AP1S3: variants seen among roughly 807,000 people sequenced by gnomAD.
AP1S3 encodes adaptor related protein complex 1 subunit sigma 3, also known as AP-1 complex subunit sigma-3.
AP1S3 carries 10 observed loss-of-function variants against 20.9 expected under a neutral mutation model. That is an observed-to-expected ratio of 0.48 (90% CI 0.29 to 0.81). The LOEUF (loss-of-function observed/expected upper bound fraction) is 0.81, where lower values mean the gene tolerates loss of function less well. Ranked by LOEUF, AP1S3 falls within the 30% of genes least tolerant of loss-of-function variation. The pLI, the probability that AP1S3 is intolerant of heterozygous loss-of-function variation, is 0.08. For missense variants in AP1S3, 154 were observed against 183.8 expected (o/e 0.84, Z 0.94); for synonymous variants, 41 against 61.5 (o/e 0.67, Z 1.56).
At chr2:223,819,324 A>G (rs889197119) in intron 1 of AP1S3, among the ~76,000 whole-genome samples, 1 of 152,208 alleles carries the variant, frequency 6.6e-6, no homozygotes, top group African/African-American at 2.4e-5. Context: ...TTGAGGGAGA[A>G]TGCAACAGAT....
At chr2:223,816,014 G>C (rs1229939646) in intron 1 of AP1S3, among the ~76,000 whole-genome samples, 1 of 152,230 alleles carries the variant, frequency 6.6e-6, no homozygotes, top group Non-Finnish European at 1.5e-5. Flanking sequence ...GGAGGCTGAA[G>C]TGGGAGGATC....
At chr2:223,804,571 G>A (rs1691535541) in intron 1 of AP1S3, among the ~76,000 whole-genome samples, 1 of 152,050 alleles carries the variant, frequency 6.6e-6, no homozygotes, top group Non-Finnish European at 1.5e-5. Context: ...GCCAGGCATG[G>A]TGGCACATGC....
At chr2:223,834,981 T>C (rs1416631623) in intron 1 of AP1S3, among the ~76,000 whole-genome samples, 7 of 152,200 alleles carry the variant, frequency 4.6e-5, no homozygotes, top group African/African-American at 1.7e-4. Context: ...TCTCAGCTTA[T>C]GTAGACACAA....
chr2:223,800,212 CT>C (rs1691433606), intron 1 of AP1S3, among the ~76,000 whole-genome samples: 2 of 105,832 alleles, frequency 1.9e-5, no homozygotes, highest in African/African-American at 7.4e-5. Flanking sequence ...GAGATTGCGT[CT>C]AAAAAAAAAA....
chr2:223,788,563 C>A (rs1397447370), intron 1 of AP1S3, among the ~76,000 whole-genome samples: 3 of 145,008 alleles, frequency 2.1e-5, no homozygotes, highest in African/African-American at 7.8e-5. Context: ...ACCATCCTGG[C>A]TAACATGGTG....
At chr2:223,784,199 G>A (rs1418767118) in intron 1 of AP1S3, among the ~76,000 whole-genome samples, 1 of 151,994 alleles carries the variant, frequency 6.6e-6, no homozygotes, top group Non-Finnish European at 1.5e-5. Flanking sequence ...AGTAGTACTC[G>A]GAGACCCTCC....
chr2:223,782,158 G>A (rs529775112), intron 1 of AP1S3, among the ~76,000 whole-genome samples: 4 of 151,920 alleles, frequency 2.6e-5, no homozygotes, highest in Non-Finnish European at 5.9e-5. Context: ...GATTACAGGC[G>A]TCCATCACCA....
In AP1S3 at chr2:223,777,885, C is replaced by A. The variant is rs770773111; in HGVS notation, c.4-16G>T. The A allele has an allele frequency of 1.9e-6, 3 of 1,599,134 alleles. No individual in the cohort carries two copies. The highest frequency in any genetic ancestry group is 3.5e-5 in the Admixed American group (2 of 57,028). On this transcript the variant is annotated splice_polypyrimidine_tract_variant and intron_variant, in intron 1 of 4. Coordinates refer to ENST00000396654, the MANE Select transcript of AP1S3 (RefSeq NM_001039569.2). ...TGAAATGTATCTAGAACAAAGGACA[C>A]AAAAAACAGAACCTGATCAACCAAG...
chr2:223,790,233 C>CTTT (rs373959648), intron 1 of AP1S3, among the ~76,000 whole-genome samples: 6 of 141,004 alleles, frequency 4.3e-5, no homozygotes, highest in African/African-American at 1.0e-4. Flanking sequence ...TGCCTCCAGT[C>CTTT]TTTTTTTTTT....
intron 1 of AP1S3, among the ~76,000 whole-genome samples, chr2:223,800,361 C>G (rs1226245482): frequency 6.6e-6 from 1 of 151,432 alleles, no homozygotes; most frequent in African/African-American, 2.4e-5. Flanking sequence ...ATCGAGAACC[C>G]ATCCTTACAG....
intron 1 of AP1S3, among the ~76,000 whole-genome samples, chr2:223,780,964 C>T (rs1187657634): frequency 2.0e-5 from 3 of 151,634 alleles, no homozygotes; most frequent in Non-Finnish European, 4.4e-5. Flanking sequence ...TCTAGTAGTC[C>T]CCAGTGTGTA....
rs1168129685 is a variant in AP1S3, at chr2:223,755,884, CAT to C, written c.*2829_*2830del. The C allele has an allele frequency of 2.0e-6, 2 of 985,268 alleles. No individual in the cohort carries two copies. The highest frequency in any genetic ancestry group is 3.5e-5 in the African/African-American group (2 of 57,228). 61.0% of individuals were successfully genotyped at this position (985,268 alleles called of 1,614,324 possible). A position where few individuals can be genotyped will look rare whatever the true frequency, so the allele number is the denominator to read the frequency against. On this transcript the variant is annotated 3_prime_UTR_variant, in exon 5 of 5. Transcript: ENST00000396654. ...TGATTGAAGTCTGAGAAGCCCTGTCCATAACTAAAGTGTCTAATATGGAATTA... is the reference window on the plus strand; with the variant it reads ...TGATTGAAGTCTGAGAAGCCCTGTCCAACTAAAGTGTCTAATATGGAATTA...
intron 1 of AP1S3, among the ~76,000 whole-genome samples, chr2:223,832,796 T>C (rs1320528737): frequency 7.5e-6 from 1 of 132,956 alleles, no homozygotes; most frequent in Non-Finnish European, 1.6e-5. Context: ...AAGGAATTTT[T>C]TTTCTTTTTT....
Position 223,758,672 on chromosome 2 carries a change from G to A in AP1S3, c.*43C>T. ...GGATGGGAGGCGTTGCTTATTTACA[G>A]CTTCATAACATGTAGTGCTGGAGTC... On this transcript the variant is annotated 3_prime_UTR_variant, in exon 5 of 5. Coordinates refer to ENST00000396654, the MANE Select transcript of AP1S3 (RefSeq NM_001039569.2). 6.4e-7 allele frequency: 1 copy of A among 1,554,196 alleles called. No homozygotes were observed. Among genetic ancestry groups the A allele is most frequent in the South Asian group, 1.3e-5 (1 of 77,064 alleles).
chr2:223,783,809 C>T (rs912084494), intron 1 of AP1S3, among the ~76,000 whole-genome samples: 4 of 152,198 alleles, frequency 2.6e-5, no homozygotes, highest in Non-Finnish European at 5.9e-5. Context: ...GCTCGTATCT[C>T]AGGACCTGAG....
chr2:223,836,270 T>C (rs976870815), intron 1 of AP1S3, among the ~76,000 whole-genome samples: 9 of 152,052 alleles, frequency 5.9e-5, no homozygotes, highest in African/African-American at 1.4e-4. Context: ...ACCACCACAC[T>C]CTTAAAAGGC....
Position 223,773,005 on chromosome 2 carries a change from T to C in AP1S3, c.291+2896A>G, listed in dbSNP as rs145475756. Among the ~76,000 whole-genome samples, 74 of 152,342 alleles carry C rather than the reference T, an allele frequency of 4.9e-4. 1 individual carries two copies. Among genetic ancestry groups the C allele is most frequent in the African/African-American group, 1.6e-3 (65 of 41,578 alleles). ...TTGAATTTTTTAATAAATTAAATTT[T>C]GGTACATGACAAAGACAGAGCTTCC... On this transcript the variant is annotated intron_variant, in intron 3 of 4. Coordinates refer to ENST00000396654, the MANE Select transcript of AP1S3 (RefSeq NM_001039569.2).
chr2:223,824,869 CT>C (rs892308849), intron 1 of AP1S3, among the ~76,000 whole-genome samples: 2 of 151,946 alleles, frequency 1.3e-5, no homozygotes, highest in Non-Finnish European at 2.9e-5. Context: ...TTAACTCTAA[CT>C]TTTTTTTAGG....
chr2:223,817,222 G>A (rs995967503), intron 1 of AP1S3, among the ~76,000 whole-genome samples: 3 of 152,164 alleles, frequency 2.0e-5, no homozygotes, highest in African/African-American at 7.2e-5. Flanking sequence ...GTAAGACATG[G>A]CTGGATGACA....
Sources: allele counts gnomAD v4.1 joint callset (sites outside exome capture counted in the v4.1 genomes callset), GRCh38; gene constraint gnomAD v4.1.1; transcripts MANE v1.5; gene names NCBI Gene and HGNC (gene_info 2026-07-23, HGNC 2026-07-21).